The following ACTN1 variants were observed in gnomAD, a reference collection of about 807,000 sequenced individuals.
The protein encoded by ACTN1 is alpha-actinin-1.
In ACTN1, 30 loss-of-function variants were observed where a neutral mutation model predicts 119.6. The observed-to-expected ratio is 0.25, with a 90% CI of 0.19 to 0.34. ACTN1 has a LOEUF of 0.34. Among genes scored for constraint, ACTN1 ranks in the 10% least tolerant of loss-of-function variants. ACTN1 has a pLI of 1.00. For synonymous variants in ACTN1, 429 were observed against 472.6 expected (o/e 0.91, Z 1.20); for missense variants, 764 against 1,223.4 (o/e 0.62, Z 5.60).
chr14:68,914,026 C>T (rs1020456392), intron 3 of ACTN1, among the ~76,000 whole-genome samples: 3 of 152,022 alleles, frequency 2.0e-5, no homozygotes, highest in Non-Finnish European at 4.4e-5. Context: ...TGTTCAAGAC[C>T]AGCCTGGGCA....
intron 1 of ACTN1, among the ~76,000 whole-genome samples, chr14:68,936,172 T>G (rs780580248): frequency 1.3e-5 from 2 of 152,206 alleles, no homozygotes; most frequent in Admixed American, 6.5e-5. Context: ...CTTTTGTTCC[T>G]GTGTAGGGTT....
Position 68,878,239 on chromosome 14 carries a change from A to G in ACTN1, c.2427+219T>C. 1.9e-6 allele frequency: 1 copy of G among 534,164 alleles called. No individual in the cohort carries two copies. Among genetic ancestry groups the G allele is most frequent in the Non-Finnish European group, 3.2e-6 (1 of 312,586 alleles). The allele number at this position is 534,164 out of a possible 1,614,324, so 33.1% of individuals were successfully genotyped here. On this transcript the variant is annotated intron_variant, in intron 20 of 21. Transcript: ENST00000394419. This position sits in a 1 kb window ranked among gnomAD's most constrained non-coding sequence, Gnocchi z 4.4. ...AGTACCAGAAGATGAAGTGGCACAGAGATTGAGGCGAGGAGGTCAGGCCTC... is the reference window on the plus strand; with the variant it reads ...AGTACCAGAAGATGAAGTGGCACAGGGATTGAGGCGAGGAGGTCAGGCCTC...
chr14:68,903,193 G>C (rs934926350), intron 7 of ACTN1, among the ~76,000 whole-genome samples: 2 of 152,216 alleles, frequency 1.3e-5, no homozygotes, highest in African/African-American at 2.4e-5. Flanking sequence ...CTGGATGATG[G>C]AAATAGGAAA....
At chr14:68,895,432 G>C (rs2032801912) in intron 8 of ACTN1, among the ~76,000 whole-genome samples, 1 of 152,190 alleles carries the variant, frequency 6.6e-6, no homozygotes, top group Non-Finnish European at 1.5e-5. Flanking sequence ...TGGAGCCCCA[G>C]AAAGCAAGTG....
At chr14:68,896,629 T>A (rs1485831103) in intron 8 of ACTN1, among the ~76,000 whole-genome samples, 1 of 152,152 alleles carries the variant, frequency 6.6e-6, no homozygotes, top group African/African-American at 2.4e-5. Context: ...AAAGGAGAGA[T>A]GTGTTCTAGG....
chr14:68,913,041 T>C (rs1271546491), intron 3 of ACTN1, among the ~76,000 whole-genome samples: 3 of 152,230 alleles, frequency 2.0e-5, no homozygotes, highest in African/African-American at 7.2e-5. Flanking sequence ...TGCCATCAGT[T>C]TGGGTATTAA....
Position 68,879,912 on chromosome 14 carries a change from G to A in ACTN1, c.2280+50C>T, listed in dbSNP as rs2031331766. On this transcript the variant is annotated intron_variant, in intron 18 of 21. Transcript: ENST00000394419. The surrounding 1 kb of genome is among the most constrained non-coding windows in gnomAD (Gnocchi z 4.9). ...CCGGGGAAGTGCCCTCCAGGGCCCT[G>A]GGGCAGGGGTTGGGGGCTGCACTAA... 1 of 1,598,828 alleles carries A rather than the reference G, an allele frequency of 6.3e-7. No homozygotes were observed. Among genetic ancestry groups the A allele is most frequent in the African/African-American group, 1.3e-5 (1 of 74,628 alleles).
intron 3 of ACTN1, among the ~76,000 whole-genome samples, chr14:68,918,790 C>T (rs1284864734): frequency 2.6e-5 from 4 of 152,032 alleles, no homozygotes; most frequent in African/African-American, 9.7e-5. Context: ...GGCAGCACTG[C>T]CGACAGTAAC....
intron 1 of ACTN1, among the ~76,000 whole-genome samples, chr14:68,957,565 G>A (rs923620807): frequency 3.3e-5 from 5 of 152,194 alleles, no homozygotes; most frequent in Admixed American, 3.3e-4. Context: ...CTCTATTTGA[G>A]GTCAAGTAAT....
Position 68,979,084 on chromosome 14 carries a change from T to A in ACTN1, c.-28A>T, listed in dbSNP as rs777353956. ...TGGTGCGCGCGTGCTAGGGTCTGGA[T>A]TTCTTCCTCCACCTTCTCTCTGAGC... On this transcript the variant is annotated 5_prime_UTR_variant, in exon 1 of 22. Coordinates refer to ENST00000394419, the MANE Select transcript of ACTN1 (RefSeq NM_001130004.2). 1 of 1,483,380 alleles carries A rather than the reference T, an allele frequency of 6.7e-7. No homozygotes were observed. The highest frequency in any genetic ancestry group is 9.2e-7 in the Non-Finnish European group (1 of 1,081,688). The allele number at this position is 1,483,380 out of a possible 1,614,324, so 91.9% of individuals were successfully genotyped here. A position where few individuals can be genotyped will look rare whatever the true frequency, so the allele number is the denominator to read the frequency against.
intron 1 of ACTN1, among the ~76,000 whole-genome samples, chr14:68,964,313 C>T (rs1269817478): frequency 6.6e-6 from 1 of 152,208 alleles, no homozygotes; most frequent in Non-Finnish European, 1.5e-5. Context: ...AAGTACCCTC[C>T]ATTCTACCTG....
At chr14:68,929,195 G>A (rs958212899) in intron 1 of ACTN1, among the ~76,000 whole-genome samples, 4 of 152,116 alleles carry the variant, frequency 2.6e-5, no homozygotes, top group South Asian at 2.1e-4. Context: ...ACAGCTGAAC[G>A]CACACCATAC....
intron 8 of ACTN1, among the ~76,000 whole-genome samples, chr14:68,896,011 G>C (rs374152599): frequency 2.0e-5 from 3 of 152,166 alleles, no homozygotes; most frequent in Non-Finnish European, 2.9e-5. Flanking sequence ...TCTCCAGAAG[G>C]AGACTGACTG....
At chr14:68,931,814 T>C (rs968395956) in intron 1 of ACTN1, among the ~76,000 whole-genome samples, 6 of 152,014 alleles carry the variant, frequency 3.9e-5, no homozygotes, top group African/African-American at 1.5e-4. Flanking sequence ...AAGATTAGAG[T>C]TCAACATAAT....
chr14:68,976,906 G>C (rs1807328734), intron 1 of ACTN1, among the ~76,000 whole-genome samples: 2 of 152,128 alleles, frequency 1.3e-5, no homozygotes, highest in Non-Finnish European at 2.9e-5. Context: ...CCAAAGGCCT[G>C]GGGCACACCC....
chr14:68,894,706 G>T (rs1046672933), intron 8 of ACTN1, among the ~76,000 whole-genome samples: 1 of 152,144 alleles, frequency 6.6e-6, no homozygotes, highest in Non-Finnish European at 1.5e-5. Context: ...GCCTGGGGGT[G>T]GGAGAAGATG....
At position 68,880,815 on chromosome 14, in the gene ACTN1, T is replaced by C; in HGVS notation, c.2128A>G (p.Met710Val). The change falls in exon 17 of 22, where the codon ATG becomes GTG. Residue 710 changes from methionine to valine, a missense_variant. Physicochemically the swap from Met to Val is conservative, Grantham distance 21 (BLOSUM62 1). Around this residue, in one of 4 missense-constraint regions of ACTN1, gnomAD observed 544 missense variants for 912.0 expected, o/e 0.60. Transcript: ENST00000394419. The surrounding 1 kb of genome is among the most constrained non-coding windows in gnomAD (Gnocchi z 4.6). ...IFDNKHTNYT[M>V]EHIRVGWEQL... ...ACAAGGCCAGCCCCACCCACCTCCATGGTGTAGTTGGTGTGCTTGTTGTCG... is the reference window on the plus strand; with the variant it reads ...ACAAGGCCAGCCCCACCCACCTCCACGGTGTAGTTGGTGTGCTTGTTGTCG... 6.2e-7 allele frequency: 1 copy of C among 1,613,894 alleles called. No individual in the cohort carries two copies. Among genetic ancestry groups the C allele is most frequent in the Non-Finnish European group, 8.5e-7 (1 of 1,179,884 alleles).
intron 1 of ACTN1, chr14:68,978,466 G>C: frequency 3.1e-6 from 1 of 327,678 alleles, no homozygotes; most frequent in South Asian, 2.2e-5. Context: ...GGGCAGCAGG[G>C]TCCCGGGAGG....
chr14:68,954,716 G>A (rs2036293107), intron 1 of ACTN1, among the ~76,000 whole-genome samples: 1 of 152,124 alleles, frequency 6.6e-6, no homozygotes, highest in African/African-American at 2.4e-5. Context: ...AGGGCTAAAG[G>A]GTCTGAGCAT....
Sources: allele counts gnomAD v4.1 joint callset (sites outside exome capture counted in the v4.1 genomes callset), GRCh38; gene constraint gnomAD v4.1.1; regional missense constraint gnomAD v4.1.1; non-coding constraint Gnocchi (gnomAD v3.1); transcripts MANE v1.5; gene names NCBI Gene and HGNC (gene_info 2026-07-23, HGNC 2026-07-21).